The following LMOD3 variants were observed in gnomAD, a reference collection of about 807,000 sequenced individuals.
The protein encoded by LMOD3 is leiomodin-3.
LMOD3 carries 31 observed loss-of-function variants against 41.8 expected under a neutral mutation model. That is an observed-to-expected ratio of 0.74 (90% confidence interval 0.56 to 1.00). LMOD3 has a LOEUF of 1.00. Among genes scored for constraint, LMOD3 ranks in the 50% least tolerant of loss-of-function variants. The pLI is 0.00. For synonymous variants in LMOD3, 292 were observed against 241.9 expected, an observed-to-expected ratio of 1.21 and a Z score of -1.92; for missense variants, 755 against 679.5, an observed-to-expected ratio of 1.11 and a Z score of -1.23.
In LMOD3 at chr3:69,109,193, C is replaced by G. The variant is rs2092337074; in HGVS notation, c.1657-72G>C. ...TTTAAGAGCTTTGCAGCAAAATTTA[C>G]AAAATTTACATGCCTTAAAAGATAC... On this transcript the variant is annotated intron_variant, in intron 2 of 2. Coordinates refer to ENST00000420581, the MANE Select transcript of LMOD3 (RefSeq NM_198271.5). The G allele has an allele frequency of 7.3e-6, 10 of 1,369,720 alleles. No individual in the cohort carries two copies. The Admixed American group carries it at 1.8e-4, about 24-fold the overall frequency. The allele number at this position is 1,369,720 out of a possible 1,614,324, so 84.8% of individuals were successfully genotyped here.
chr3:69,119,802 C>G lies in LMOD3; in HGVS notation c.553G>C (p.Glu185Gln), dbSNP rs752475670. 1 of 1,602,448 alleles carries G rather than the reference C, an allele frequency of 6.2e-7. No homozygotes were observed. ...GKAKEQIRNC[E>Q]NNCQQVTDKA... ...TCAGTTACCTGCTGGCAGTTGTTCT[C>G]ACAATTTCTAATTTGTTCCTTTGCT... is the stretch of plus-strand genomic sequence containing the variant. The change falls in exon 2 of 3, where the codon GAG (glutamate) becomes CAG (glutamine). Residue 185 changes from glutamate (E) to glutamine (Q), a missense_variant. By Grantham distance (29) the Glu-to-Gln change is conservative. Transcript: ENST00000420581.
At chr3:69,117,058 C>G (rs2092377836) in intron 2 of LMOD3, among the ~76,000 whole-genome samples, 1 of 152,234 alleles carries the variant, frequency 6.6e-6, no homozygotes, top group Admixed American at 6.5e-5. Flanking sequence ...TTCTCTCAAA[C>G]AATACCCCAA....
intron 2 of LMOD3, among the ~76,000 whole-genome samples, chr3:69,113,938 T>A (rs117479963): frequency 1.3e-5 from 2 of 152,316 alleles, no homozygotes; most frequent in East Asian, 1.9e-4. Flanking sequence ...TATTAACTCA[T>A]AGGGAAATGA....
intron 2 of LMOD3, among the ~76,000 whole-genome samples, chr3:69,110,418 C>T (rs1218836216): frequency 1.3e-5 from 2 of 151,348 alleles, no homozygotes; most frequent in African/African-American, 2.4e-5. Flanking sequence ...TTAGTAGAGA[C>T]GGGGTTTCAC....
At position 69,118,837 on chromosome 3, in the gene LMOD3, G is replaced by T. The variant is rs377380955; in HGVS notation, c.1518C>A (p.Pro506=). 2.4e-4 allele frequency: 379 copies of T among 1,608,980 alleles called. No homozygotes were observed. Among genetic ancestry groups the T allele is most frequent in the Non-Finnish European group, 3.0e-4 (357 of 1,178,638 alleles). ...KSRMPEAREP[P]EKTNLKDVIK... is the part of the protein sequence containing the mutation. ...TGACATCTTTGAGGTTGGTTTTCTC[G>T]GGTGGTTCTCTGGCTTCCGGCATCC... is the stretch of plus-strand genomic sequence containing the variant. The change falls in exon 2 of 3, where the codon CCC becomes CCA. Residue 506 remains proline, a synonymous_variant. Transcript: ENST00000420581.
Position 69,113,385 on chromosome 3 carries a change from G to A in LMOD3, c.1657-4264C>T, listed in dbSNP as rs2092358040. On this transcript the variant is annotated intron_variant, in intron 2 of 2. Transcript: ENST00000420581. ...ATTTCCCATTATGTGATGAGAAAGAGGAGAAAAGTACAAAAGGAGAGAATC... is the reference window on the plus strand; with the variant it reads ...ATTTCCCATTATGTGATGAGAAAGAAGAGAAAAGTACAAAAGGAGAGAATC... Among the ~76,000 whole-genome samples, 3 of 152,110 alleles carry A rather than the reference G, an allele frequency of 2.0e-5. No individual in the cohort carries two copies. In the South Asian group the frequency reaches 6.2e-4, roughly 32 times the overall value.
chr3:69,117,300 G>A (rs12054081), intron 2 of LMOD3, among the ~76,000 whole-genome samples: 4,392 of 152,242 alleles, frequency 0.029, 184 homozygotes, highest in African/African-American at 0.092. Flanking sequence ...TTGGGAATAA[G>A]GACGATACAT....
intron 2 of LMOD3, among the ~76,000 whole-genome samples, chr3:69,112,037 A>G (rs2092352345): frequency 6.6e-6 from 1 of 152,264 alleles, no homozygotes; most frequent in South Asian, 2.1e-4. Flanking sequence ...ATTTTCAAAG[A>G]GGCCATTTCT....
chr3:69,109,339 C>G (rs978481390), intron 2 of LMOD3, among the ~76,000 whole-genome samples: 2 of 150,172 alleles, frequency 1.3e-5, no homozygotes, highest in African/African-American at 5.0e-5. Flanking sequence ...GAGCTTTGAG[C>G]ACATGGCAAA....
In LMOD3 at chr3:69,109,008, A is replaced by T; in HGVS notation, c.*87T>A. 1 of 1,184,932 alleles carries T rather than the reference A, an allele frequency of 8.4e-7. No individual in the cohort carries two copies. The highest frequency in any genetic ancestry group is 1.3e-5 in the South Asian group (1 of 74,700). 73.4% of individuals were successfully genotyped at this position (1,184,932 alleles called of 1,614,324 possible). A position where few individuals can be genotyped will look rare whatever the true frequency, so the allele number is the denominator to read the frequency against. On this transcript the variant is annotated 3_prime_UTR_variant, in exon 3 of 3. Coordinates refer to ENST00000420581, the MANE Select transcript of LMOD3 (RefSeq NM_198271.5). ...TTTCCAGTTCTGCCACGTGGATCCT[A>T]AAGTATTGCTGCTGACATAGTCTCC...
rs1289180080 is a variant in LMOD3 at position 69,122,124 on chromosome 3, T to A, written c.263A>T (p.Glu88Val). The stretch of plus-strand genomic sequence containing the variant: ...TTTCACAAAGGTGACAGGAACTCGT[T>A]CCTCTTCCAGCATGCGCCTGGATGC... ...EKASRRMLEE[E>V]RVPVTFVKSE... Residue 88 changes from glutamate to valine, a missense_variant, in exon 1 of 3, where the codon GAA (glutamate) becomes GTA (valine). Glu to Val is a moderately radical substitution (Grantham distance 121). Coordinates refer to ENST00000420581, the MANE Select transcript of LMOD3 (RefSeq NM_198271.5). 6.2e-7 allele frequency: 1 copy of A among 1,612,482 alleles called. No individual in the cohort carries two copies. Among genetic ancestry groups the A allele is most frequent in the Admixed American group, 1.7e-5 (1 of 59,874 alleles).
At position 69,108,447 on chromosome 3, in the gene LMOD3, C is replaced by T. The variant is rs2092332829; in HGVS notation, c.*648G>A. The T allele has an allele frequency of 6.6e-6, 1 of 152,078 alleles. No individual in the cohort carries two copies. Among genetic ancestry groups the T allele is most frequent in the Non-Finnish European group, 1.5e-5 (1 of 68,028 alleles). The allele number at this position is 152,078 out of a possible 1,614,324, so 9.4% of individuals were successfully genotyped here. On this transcript the variant is annotated 3_prime_UTR_variant, in exon 3 of 3. Coordinates refer to ENST00000420581, the MANE Select transcript of LMOD3 (RefSeq NM_198271.5). ...AGTTTTCACCATGTTCTGTGGCTTA[C>T]GTGTTCTGCCCCTCACAGGTACCCC... is the stretch of plus-strand genomic sequence containing the variant.
rs1350772174 is a variant in LMOD3, at chr3:69,106,593, C to T, written c.*2502G>A. ...CTATGAAATTGGATCATCTTTTCTT[C>T]TTGTATATCTAAGATAAAAACCCTC... On this transcript the variant is annotated 3_prime_UTR_variant, in exon 3 of 3. Transcript: ENST00000420581. Among the ~76,000 whole-genome samples, 1 of 151,972 alleles carries T rather than the reference C, an allele frequency of 6.6e-6. No homozygotes were observed. Among genetic ancestry groups the T allele is most frequent in the Admixed American group, 6.6e-5 (1 of 15,244 alleles).
rs1006337657 is a variant in LMOD3 at position 69,119,680 on chromosome 3, G to C, written c.675C>G (p.Thr225=). The change falls in exon 2 of 3, where the codon ACC becomes ACG. Residue 225 remains threonine, a synonymous_variant. Coordinates refer to ENST00000420581, the MANE Select transcript of LMOD3 (RefSeq NM_198271.5). ...GCCTTGTACTTACCTTCAAAAAGCT[G>C]GTGTCTAGAGCTAACTTCTTAGGAT... is the stretch of plus-strand genomic sequence containing the variant. ...KLDPKKLALD[T]SFLKVSTRPS... The C allele has an allele frequency of 3.1e-6, 5 of 1,613,872 alleles. No individual in the cohort carries two copies. The highest frequency in any genetic ancestry group is 1.7e-5 in the Admixed American group (1 of 60,010).
intron 2 of LMOD3, among the ~76,000 whole-genome samples, chr3:69,109,793 T>C (rs1183872254): frequency 1.3e-5 from 2 of 152,050 alleles, no homozygotes; most frequent in Non-Finnish European, 2.9e-5. Context: ...ACTCTCAAAG[T>C]GCTGAGATTA....
Position 69,118,590 on chromosome 3 carries a change from T to G in LMOD3, c.1656+109A>C, listed in dbSNP as rs1176524481. 4.8e-6 allele frequency: 6 copies of G among 1,243,038 alleles called. No individual in the cohort carries two copies. In the Admixed American group the frequency reaches 1.4e-4, roughly 28 times the overall value. 77.0% of individuals were successfully genotyped at this position (1,243,038 alleles called of 1,614,324 possible). On this transcript the variant is annotated intron_variant, in intron 2 of 2. Coordinates refer to ENST00000420581, the MANE Select transcript of LMOD3 (RefSeq NM_198271.5). ...GTAATGCTCATTGGCTTCCCCCAGT[T>G]GGTCTCAATTAGTGAGTATCCCCTT...
chr3:69,115,483 A>AACAC (rs10604147), intron 2 of LMOD3, among the ~76,000 whole-genome samples: 4,563 of 144,962 alleles, frequency 0.031, 175 homozygotes, highest in African/African-American at 0.078. Context: ...TCCTGCCTCA[A>AACAC]ACACACACAC....
In LMOD3 at chr3:69,122,155, C is replaced by A. The variant is rs1204833792; in HGVS notation, c.232G>T (p.Glu78Ter). Reference protein sequence around the residue: ...HKSLVDYMYWEKASRRMLEEE... With the variant: ...HKSLVDYMYW ...TCCAGCATGCGCCTGGATGCCTTTTCCCAATACATATAATCAACAAGAGAT... is the reference window on the plus strand; with the variant it reads ...TCCAGCATGCGCCTGGATGCCTTTTACCAATACATATAATCAACAAGAGAT... Residue 78 changes from glutamate to a stop codon, truncating the protein, a stop_gained, in exon 1 of 3, where the codon GAA becomes TAA. Transcript: ENST00000420581. LOFTEE classifies it high-confidence loss of function. 6.2e-7 allele frequency: 1 copy of A among 1,612,874 alleles called. No individual in the cohort carries two copies. Among genetic ancestry groups the A allele is most frequent in the Non-Finnish European group, 8.5e-7 (1 of 1,179,482 alleles).
chr3:69,120,336 G>A (rs1174072942), intron 1 of LMOD3, among the ~76,000 whole-genome samples: 1 of 151,930 alleles, frequency 6.6e-6, no homozygotes, highest in Non-Finnish European at 1.5e-5. Flanking sequence ...AAACCTCATA[G>A]AATTGTTCAT....
Sources: gnomAD v4.1 joint callset for allele counts (sites outside exome capture counted in the v4.1 genomes callset) on GRCh38, gnomAD v4.1.1 for gene constraint, MANE v1.5 for transcripts, NCBI Gene and HGNC (gene_info 2026-07-23, HGNC 2026-07-21) for gene names.